The following MET variants were observed in gnomAD, a reference collection of about 807,000 sequenced individuals.
MET encodes MET proto-oncogene, receptor tyrosine kinase.
MET carries 48 observed loss-of-function variants against 133.1 expected under a neutral mutation model. That is an observed-to-expected ratio of 0.36 (90% CI 0.29 to 0.46). The LOEUF (loss-of-function observed/expected upper bound fraction) is 0.46. Among genes scored for constraint, MET ranks in the 20% least tolerant of loss-of-function variants. MET has a pLI of 1.00. For synonymous variants in MET, 628 were observed against 616.5 expected (o/e 1.02, Z -0.28); for missense variants, 1,442 against 1,695.9 (o/e 0.85, Z 2.63).
At chr7:116,680,965 A>G (rs1481706317) in intron 1 of MET, among the ~76,000 whole-genome samples, 1 of 151,992 alleles carries the variant, frequency 6.6e-6, no homozygotes, top group Non-Finnish European at 1.5e-5. Context: ...GAGGGAGGGT[A>G]TGGAATAAAG....
At chr7:116,734,161 T>C (rs1318767968) in intron 3 of MET, among the ~76,000 whole-genome samples, 2 of 152,254 alleles carry the variant, frequency 1.3e-5, no homozygotes, top group Non-Finnish European at 2.9e-5. Flanking sequence ...TGGCTAGGCC[T>C]GAGTTTCTAC....
At chr7:116,761,188 T>C (rs991052338) in intron 10 of MET, among the ~76,000 whole-genome samples, 1 of 152,176 alleles carries the variant, frequency 6.6e-6, no homozygotes, top group African/African-American at 2.4e-5. Context: ...ACATGAGAGT[T>C]ACATATCCCA....
At position 116,763,279 on chromosome 7, in the gene MET, C is replaced by G. The variant is rs780485505; in HGVS notation, c.2583+11C>G. 3.1e-6 allele frequency: 5 copies of G among 1,605,180 alleles called. No homozygotes were observed. The highest frequency in any genetic ancestry group is 2.7e-5 in the African/African-American group (2 of 74,864). On this transcript the variant is annotated intron_variant, in intron 11 of 20. Coordinates refer to ENST00000397752, the MANE Select transcript of MET (RefSeq NM_000245.4). ...GTACTGGAAATTAAGGTAAGAAATG[C>G]TTTAAACACTGTCTTAAATCATCAG...
intron 2 of MET, among the ~76,000 whole-genome samples, chr7:116,700,762 A>T (rs955821328): frequency 2.6e-5 from 4 of 152,226 alleles, no homozygotes; most frequent in African/African-American, 4.8e-5. Context: ...TCTCACTGAT[A>T]CACAACTGAT....
At position 116,785,831 on chromosome 7, in the gene MET, CT is replaced by C. The variant is rs545835271; in HGVS notation, c.3798+2363del. 1.6e-4 allele frequency among the ~76,000 whole-genome samples: 25 copies of C among 152,310 alleles called. No homozygotes were observed. The East Asian group carries it at 4.8e-3, about 29-fold the overall frequency. Reference sequence around the variant, plus strand: ...AGTCAAAGATTAGCAAAGATATATGCTCATGCAATAACACATATATGAAGCA... The same window carrying C: ...AGTCAAAGATTAGCAAAGATATATGCCATGCAATAACACATATATGAAGCA... On this transcript the variant is annotated intron_variant, in intron 19 of 20. Transcript: ENST00000397752.
rs761183186 is a variant in MET, at chr7:116,757,480, A to T, written c.1906A>T (p.Met636Leu). Reference protein sequence around the residue: ...VGPAMNKHFNMSIIISNGHGT... With the variant: ...VGPAMNKHFNLSIIISNGHGT... ...TCCTGCCATGAATAAGCATTTCAAT[A>T]TGTCCATAATTATTTCAAATGGCCA... is the stretch of plus-strand genomic sequence containing the variant. Residue 636 changes from methionine to leucine, a missense_variant, in exon 7 of 21, where the codon ATG becomes TTG. Physicochemically the swap from Met to Leu is conservative, Grantham distance 15 (BLOSUM62 2). Transcript: ENST00000397752. 1 of 1,613,828 alleles carries T rather than the reference A, an allele frequency of 6.2e-7. No homozygotes were observed. The highest frequency in any genetic ancestry group is 8.5e-7 in the Non-Finnish European group (1 of 1,179,926).
At chr7:116,741,128 C>T (rs2116840174) in intron 5 of MET, 103 bp downstream of exon 5, 1 of 1,313,358 alleles carries the variant, frequency 7.6e-7, no homozygotes, top group Middle Eastern at 2.0e-4. Flanking sequence ...ACAAATCCCA[C>T]TAATGAAAAA....
At chr7:116,741,309 A>G (rs371079191) in intron 5 of MET, among the ~76,000 whole-genome samples, 1 of 152,004 alleles carries the variant, frequency 6.6e-6, no homozygotes, top group Non-Finnish European at 1.5e-5. Flanking sequence ...GCAGCTGCTC[A>G]CCTTTAGTGC....
intron 11 of MET, among the ~76,000 whole-genome samples, chr7:116,767,813 A>G (rs185586013): frequency 1.3e-5 from 2 of 151,008 alleles, no homozygotes; most frequent in African/African-American, 4.8e-5. Context: ...TAGCATCTCA[A>G]TAAAGCTATG....
At chr7:116,782,165 CA>C in intron 18 of MET, 68 bp downstream of exon 18, 1 of 1,072,800 alleles carries the variant, frequency 9.3e-7, no homozygotes. Context: ...TCCCACTGTT[CA>C]ATGCTAGTTA....
At chr7:116,748,315 T>G (rs553487134) in intron 5 of MET, among the ~76,000 whole-genome samples, 3 of 152,318 alleles carry the variant, frequency 2.0e-5, no homozygotes, top group East Asian at 3.9e-4. Context: ...CTGAATAACC[T>G]GCTCCTGAAT....
At chr7:116,726,794 G>A (rs1792809223) in intron 2 of MET, among the ~76,000 whole-genome samples, 1 of 152,272 alleles carries the variant, frequency 6.6e-6, no homozygotes, top group Admixed American at 6.5e-5. Flanking sequence ...GCAGGCCTTT[G>A]GGAAGCAACT....
chr7:116,795,632 T>G, intron 19 of MET, 23 bp from the exon 20 acceptor site: 1 of 1,613,204 alleles, frequency 6.2e-7, no homozygotes, highest in Non-Finnish European at 8.5e-7. Flanking sequence ...TCACCTCATC[T>G]GTCCTGTTTC....
chr7:116,725,606 T>C (rs1393154617), intron 2 of MET, among the ~76,000 whole-genome samples: 3 of 151,520 alleles, frequency 2.0e-5, no homozygotes, highest in African/African-American at 4.8e-5. Context: ...CTAGGTGATA[T>C]AGCCTACTAC....
intron 6 of MET, among the ~76,000 whole-genome samples, chr7:116,756,072 CA>C (rs1277720860): frequency 6.6e-6 from 1 of 152,136 alleles, no homozygotes; most frequent in Non-Finnish European, 1.5e-5. Flanking sequence ...TGGGAGGGAG[CA>C]GTATCATTCC....
chr7:116,774,839 G>C (rs2117029008), intron 14 of MET, 42 bp from the exon 15 acceptor site: 1 of 1,473,388 alleles, frequency 6.8e-7, no homozygotes, highest in South Asian at 1.1e-5. Context: ...CATTAAATGA[G>C]GTTTTACTGT....
chr7:116,778,740 T>C lies in MET; in HGVS notation c.3341-36T>C, dbSNP rs767679159. On this transcript the variant is annotated intron_variant, in intron 16 of 20. Coordinates refer to ENST00000397752, the MANE Select transcript of MET (RefSeq NM_000245.4). ...TTTGACAAAAGTATTCACTGTTCCA[T>C]AATGAAGTTAATGTCTCCACCACTG... 4 of 1,606,956 alleles carry C rather than the reference T, an allele frequency of 2.5e-6. No homozygotes were observed. In the East Asian group the frequency reaches 6.7e-5, roughly 27 times the overall value.
chr7:116,682,446 T>C (rs1461726778), intron 1 of MET, among the ~76,000 whole-genome samples: 1 of 152,204 alleles, frequency 6.6e-6, no homozygotes, highest in Non-Finnish European at 1.5e-5. Flanking sequence ...GTGTTTTCTT[T>C]TCCCTGAAGT....
At chr7:116,731,559 A>T (rs898147486) in intron 2 of MET, 109 bp from the exon 3 acceptor site, 13 of 1,130,160 alleles carry the variant, frequency 1.2e-5, no homozygotes, top group Middle Eastern at 2.2e-4. Flanking sequence ...TATTTGCATG[A>T]TTATCCTTGC....
Sources: gnomAD v4.1 joint callset for allele counts (sites outside exome capture counted in the v4.1 genomes callset) on GRCh38, gnomAD v4.1.1 for gene constraint, MANE v1.5 for transcripts, NCBI Gene and HGNC (gene_info 2026-07-23, HGNC 2026-07-21) for gene names.